NT5C2: variants seen among roughly 807,000 people sequenced by gnomAD.
NT5C2 encodes the protein 5'-nucleotidase, cytosolic II.
In NT5C2, 58 loss-of-function variants were observed where a neutral mutation model predicts 76.1. The ratio of observed to expected loss-of-function variants is 0.76; its 90% confidence interval spans 0.62 to 0.95. NT5C2 has a LOEUF of 0.95. NT5C2 is among the 40% of genes least tolerant of loss of function. The pLI is 0.00. For missense variants in NT5C2, 478 were observed against 690.3 expected, an observed-to-expected ratio of 0.69 and a Z score of 3.45; for synonymous variants, 229 against 237.4, an observed-to-expected ratio of 0.96 and a Z score of 0.32.
intron 5 of NT5C2, among the ~76,000 whole-genome samples, chr10:103,106,029 A>G (rs974235537): frequency 6.6e-6 from 1 of 152,214 alleles, no homozygotes; most frequent in South Asian, 2.1e-4. Flanking sequence ...TCTGTAAGGA[A>G]TAAGTGCTTA....
intron 1 of NT5C2, among the ~76,000 whole-genome samples, chr10:103,189,603 T>A (rs561155588): frequency 1.5e-4 from 20 of 136,850 alleles, no homozygotes; most frequent in African/African-American, 3.7e-4. Flanking sequence ...AGACTCCATC[T>A]CAAAAAAAAA....
chr10:103,129,100 A>AGCCGT (rs1452415604), intron 4 of NT5C2, among the ~76,000 whole-genome samples: 2 of 126,928 alleles, frequency 1.6e-5, no homozygotes, highest in Non-Finnish European at 3.4e-5. Context: ...CCACCTGGCC[A>AGCCGT]GCCGTGCCGT....
rs549459503 is a variant in NT5C2, at chr10:103,116,610, T to C, written c.176-9904A>G. On this transcript the variant is annotated intron_variant, in intron 4 of 18. Transcript: ENST00000404739. Reference sequence around the variant, plus strand: ...TTCTTTTTTTTTTTTTGCTCTGCCATCCTGGCTGGAATGCCCTAGCATGAT... The same window carrying C: ...TTCTTTTTTTTTTTTTGCTCTGCCACCCTGGCTGGAATGCCCTAGCATGAT... Among the ~76,000 whole-genome samples, 212 of 141,922 alleles carry C rather than the reference T, an allele frequency of 1.5e-3. 1 individual carries two copies. The highest frequency in any genetic ancestry group is 2.6e-3 in the Non-Finnish European group (171 of 65,792). The allele number at this position is 141,922 out of a possible 152,430, so 93.1% of individuals were successfully genotyped here.
Position 103,098,779 on chromosome 10 carries a change from T to C in NT5C2, c.687+152A>G, listed in dbSNP as rs1014276943. On this transcript the variant is annotated intron_variant, in intron 10 of 18. Coordinates refer to ENST00000404739, the MANE Select transcript of NT5C2 (RefSeq NM_001351169.2). Reference sequence around the variant, plus strand: ...AAAAACTCTACTAAGACCTATGCTCTAGCTGAATATTCTTGGTGATTATAC... The same window carrying C: ...AAAAACTCTACTAAGACCTATGCTCCAGCTGAATATTCTTGGTGATTATAC... 4.9e-6 allele frequency: 3 copies of C among 610,256 alleles called. No individual in the cohort carries two copies. In the African/African-American group the frequency reaches 5.6e-5, roughly 11 times the overall value. The allele number at this position is 610,256 out of a possible 1,614,324, so 37.8% of individuals were successfully genotyped here.
At chr10:103,100,616 T>C (rs912687755) in intron 8 of NT5C2, 2 of 458,566 alleles carry the variant, frequency 4.4e-6, no homozygotes, top group Non-Finnish European at 8.7e-6. Flanking sequence ...ACACAGTATT[T>C]ATTCCTTAAT....
intron 3 of NT5C2, among the ~76,000 whole-genome samples, chr10:103,158,488 C>T (rs1192518795): frequency 6.6e-6 from 1 of 151,754 alleles, no homozygotes; most frequent in Non-Finnish European, 1.5e-5. Flanking sequence ...GCTAGACTGA[C>T]CCAAAAAAAG....
intron 3 of NT5C2, among the ~76,000 whole-genome samples, chr10:103,156,572 G>A (rs1354027842): frequency 2.7e-5 from 4 of 150,824 alleles, no homozygotes; most frequent in African/African-American, 9.8e-5. Flanking sequence ...CCCAGCCAAC[G>A]TGGCGAAACC....
chr10:103,098,281 C>T lies in NT5C2; in HGVS notation c.687+650G>A, dbSNP rs945317953. The T allele has an allele frequency of 7.1e-5, 20 of 281,600 alleles. 1 individual carries two copies. Among genetic ancestry groups the T allele is most frequent in the South Asian group, 6.3e-4 (20 of 31,718 alleles). The allele number at this position is 281,600 out of a possible 1,614,324, so 17.4% of individuals were successfully genotyped here. ...GAAAAGTATGAAATTAACATTGGTA[C>T]AATACTATTAACCACAGATTTTTTA... is the stretch of plus-strand genomic sequence containing the variant. On this transcript the variant is annotated intron_variant, in intron 10 of 18. Transcript: ENST00000404739.
chr10:103,094,276 T>G, intron 13 of NT5C2, 72 bp downstream of exon 13: 2 of 1,024,120 alleles, frequency 2.0e-6, no homozygotes, highest in Non-Finnish European at 3.0e-6. Flanking sequence ...TTTCCTTATG[T>G]AGAGTAAGAG....
Position 103,090,922 on chromosome 10 carries a change from TC to T in NT5C2, c.1272+13del, listed in dbSNP as rs1355618320. On this transcript the variant is annotated intron_variant, in intron 17 of 18. Coordinates refer to ENST00000404739, the MANE Select transcript of NT5C2 (RefSeq NM_001351169.2). ...CTTATTTCCCAAGTTTTCTCCCAAA[TC>T]CCATTTGGATACCTTAATACGTCTC... 6.2e-7 allele frequency: 1 copy of T among 1,613,006 alleles called. No homozygotes were observed. The highest frequency in any genetic ancestry group is 8.5e-7 in the Non-Finnish European group (1 of 1,179,168).
intron 2 of NT5C2, 144 bp from the exon 3 acceptor site, chr10:103,175,126 C>A: frequency 2.0e-6 from 1 of 510,970 alleles, no homozygotes; most frequent in Non-Finnish European, 3.5e-6. Flanking sequence ...AGTAAATATG[C>A]TGAAAATTAT....
At chr10:103,191,114 C>T (rs1238024811) in intron 1 of NT5C2, among the ~76,000 whole-genome samples, 1 of 152,150 alleles carries the variant, frequency 6.6e-6, no homozygotes, top group Non-Finnish European at 1.5e-5. Flanking sequence ...GCAACAGGGT[C>T]GGACGCAGTG....
intron 4 of NT5C2, among the ~76,000 whole-genome samples, chr10:103,124,529 A>G (rs2076313284): frequency 6.6e-6 from 1 of 152,122 alleles, no homozygotes; most frequent in African/African-American, 2.4e-5. Context: ...AAGTTTCAGT[A>G]TATTAATACC....
At chr10:103,135,097 T>C (rs764531866) in intron 4 of NT5C2, among the ~76,000 whole-genome samples, 9 of 152,242 alleles carry the variant, frequency 5.9e-5, no homozygotes, top group Non-Finnish European at 1.2e-4. Flanking sequence ...GATATTGGAC[T>C]GTGAACTTTT....
At chr10:103,116,785 G>A (rs1421114939) in intron 4 of NT5C2, among the ~76,000 whole-genome samples, 2 of 151,122 alleles carry the variant, frequency 1.3e-5, no homozygotes, top group Non-Finnish European at 2.9e-5. Flanking sequence ...ATATTGCCCA[G>A]GCTGGTCTAG....
intron 16 of NT5C2, 107 bp from the exon 17 acceptor site, chr10:103,091,103 C>T (rs573353688): frequency 2.3e-5 from 21 of 924,832 alleles, no homozygotes; most frequent in Non-Finnish European, 3.2e-5. Context: ...GGTGTGATCG[C>T]GGCTCACTGC....
intron 4 of NT5C2, among the ~76,000 whole-genome samples, chr10:103,135,160 T>C (rs182192500): frequency 1.1e-3 from 170 of 152,240 alleles, no homozygotes; most frequent in African/African-American, 3.5e-3. Flanking sequence ...GAAGGCATGA[T>C]TGGTTTTGAA....
At chr10:103,090,461 A>G in intron 18 of NT5C2, 150 bp downstream of exon 18, 1 of 622,614 alleles carries the variant, frequency 1.6e-6, no homozygotes, top group South Asian at 2.3e-5. Flanking sequence ...ACTTTCTCAA[A>G]GACCCCTTCT....
At chr10:103,171,778 G>A (rs1358075419) in intron 3 of NT5C2, among the ~76,000 whole-genome samples, 1 of 152,140 alleles carries the variant, frequency 6.6e-6, no homozygotes, top group African/African-American at 2.4e-5. Context: ...TACAATTTAG[G>A]CCGGGCTCAG....
Sources: allele counts gnomAD v4.1 joint callset (sites outside exome capture counted in the v4.1 genomes callset), GRCh38; gene constraint gnomAD v4.1.1; transcripts MANE v1.5; gene names NCBI Gene and HGNC (gene_info 2026-07-23, HGNC 2026-07-21).